Variants in ITGA7 observed in about 807,000 individuals in gnomAD.
ITGA7 encodes the protein integrin alpha-7.
ITGA7 carries 84 observed loss-of-function variants against 131.6 expected under a neutral mutation model. That is an observed-to-expected ratio of 0.64 (90% CI 0.54 to 0.77). The LOEUF is 0.77. Ranked by LOEUF, ITGA7 falls within the 30% of genes least tolerant of loss-of-function variation. The pLI, the probability that ITGA7 is intolerant of heterozygous loss-of-function variation, is 0.00. For missense variants in ITGA7, 1,399 were observed against 1,482.9 expected, an observed-to-expected ratio of 0.94 and a Z score of 0.93; for synonymous variants, 548 against 600.7, an observed-to-expected ratio of 0.91 and a Z score of 1.28.
At chr12:55,693,429 G>T in intron 19 of ITGA7, 112 bp from the exon 20 acceptor site, 1 of 973,784 alleles carries the variant, frequency 1.0e-6, no homozygotes, top group Non-Finnish European at 1.5e-6. Context: ...CTAACTCCTG[G>T]GCTCAAGTGA....
At chr12:55,710,083 G>A (rs977894859), upstream of ITGA7, among the ~76,000 whole-genome samples, 5 of 152,198 alleles carry the variant, frequency 3.3e-5, no homozygotes, top group African/African-American at 7.2e-5. Flanking sequence ...AGACGGGGCC[G>A]GGCGCGGTGG....
upstream of ITGA7, among the ~76,000 whole-genome samples, chr12:55,714,585 C>T (rs1201645056): frequency 6.6e-6 from 1 of 150,964 alleles, no homozygotes; most frequent in East Asian, 2.0e-4. Context: ...ACTCAGGAGG[C>T]TGAGGCAGGA....
chr12:55,695,306 T>C (rs1010335667), intron 14 of ITGA7: 4 of 601,928 alleles, frequency 6.6e-6, no homozygotes, highest in African/African-American at 1.9e-5. Context: ...ATATTATTAG[T>C]GTACTGTGAA....
upstream of ITGA7, among the ~76,000 whole-genome samples, chr12:55,713,491 C>T (rs1876284435): frequency 6.6e-6 from 1 of 152,190 alleles, no homozygotes; most frequent in South Asian, 2.1e-4. Flanking sequence ...TGTATCCTAG[C>T]TCTACCACTA....
In ITGA7 at chr12:55,687,995, T is replaced by TGCTAGCACCAGCAGC; in HGVS notation, c.3144_3158dup (p.Ala1053_Leu1057dup). The stretch of plus-strand genomic sequence containing the variant: ...CCTTCCACAGGAGCAGCACCAGCAG[T>TGCTAGCACCAGCAGC]GCTAGCACCAGCAGCCCAGCCAGTA... On this transcript the variant is annotated inframe_insertion, in exon 24 of 25. Coordinates refer to ENST00000257879, the MANE Select transcript of ITGA7 (RefSeq NM_002206.3). 6.2e-7 allele frequency: 1 copy of TGCTAGCACCAGCAGC among 1,614,086 alleles called. No individual in the cohort carries two copies. The highest frequency in any genetic ancestry group is 2.2e-5 in the East Asian group (1 of 44,876).
upstream of ITGA7, among the ~76,000 whole-genome samples, chr12:55,711,202 T>A (rs1876078910): frequency 6.6e-6 from 1 of 152,122 alleles, no homozygotes. Context: ...TATTTCAAAA[T>A]AATTTCCAAG....
chr12:55,701,289 A>G lies in ITGA7; in HGVS notation c.415-135T>C, dbSNP rs1873960352. 2.6e-6 allele frequency: 4 copies of G among 1,562,784 alleles called. No individual in the cohort carries two copies. The Admixed American group carries it at 7.0e-5, about 27-fold the overall frequency. On this transcript the variant is annotated intron_variant, in intron 3 of 24. Transcript: ENST00000257879. Reference sequence around the variant, plus strand: ...TGCACATGCACATGCACACATACACACACACCCCTATGCCGGCACCACTCA... The same window carrying G: ...TGCACATGCACATGCACACATACACGCACACCCCTATGCCGGCACCACTCA...
At chr12:55,715,312 CA>C (rs1876433682), upstream of ITGA7, among the ~76,000 whole-genome samples, 1 of 152,078 alleles carries the variant, frequency 6.6e-6, no homozygotes, top group Admixed American at 6.6e-5. Flanking sequence ...GCAACTTGCC[CA>C]AAGTCACCCA....
chr12:55,699,301 G>A (rs1385400377), intron 5 of ITGA7, among the ~76,000 whole-genome samples: 2 of 152,194 alleles, frequency 1.3e-5, no homozygotes, highest in African/African-American at 4.8e-5. Flanking sequence ...CAGGGAGCTA[G>A]AAGAGCTAGA....
At chr12:55,689,131 A>T (rs1034476378) in intron 21 of ITGA7, among the ~76,000 whole-genome samples, 174 bp from the exon 22 acceptor site, 6 of 152,220 alleles carry the variant, frequency 3.9e-5, no homozygotes, top group African/African-American at 1.4e-4. Flanking sequence ...CAGCTTTGAA[A>T]TGCGTGGAGG....
intron 24 of ITGA7, among the ~76,000 whole-genome samples, chr12:55,687,217 C>A (rs1159081166): frequency 4.1e-5 from 6 of 146,456 alleles, no homozygotes; most frequent in African/African-American, 1.5e-4. Flanking sequence ...CTGCTCAGTC[C>A]CCCAGGTTGC....
intron 14 of ITGA7, 69 bp from the exon 15 acceptor site, chr12:55,695,039 C>T: frequency 6.8e-7 from 1 of 1,478,788 alleles, no homozygotes; most frequent in Non-Finnish European, 9.2e-7. Flanking sequence ...GCCCAGTCTG[C>T]TCCCCCAGTA....
intron 3 of ITGA7, among the ~76,000 whole-genome samples, chr12:55,702,457 C>T (rs1874263663): frequency 6.6e-6 from 1 of 152,132 alleles, no homozygotes; most frequent in Admixed American, 6.5e-5. Context: ...CGTGAGCCAC[C>T]GCACCCGGCC....
At chr12:55,710,538 A>C (rs1355546024), upstream of ITGA7, among the ~76,000 whole-genome samples, 1 of 152,168 alleles carries the variant, frequency 6.6e-6, no homozygotes, top group East Asian at 1.9e-4. Context: ...GCACTTTGAG[A>C]GGCCAAGGCA....
At chr12:55,714,462 G>A (rs1007391283), upstream of ITGA7, among the ~76,000 whole-genome samples, 37 of 149,802 alleles carry the variant, frequency 2.5e-4, no homozygotes, top group African/African-American at 8.7e-4. Flanking sequence ...AGCTTGCAGT[G>A]AGCCGAGATC....
chr12:55,699,835 T>C, intron 5 of ITGA7, 35 bp downstream of exon 5: 4 of 1,582,604 alleles, frequency 2.5e-6, no homozygotes, highest in South Asian at 1.2e-5. Flanking sequence ...GGCTGGGCCA[T>C]GCCCCTAGAG....
At chr12:55,695,866 G>A (rs533876488) in intron 13 of ITGA7, among the ~76,000 whole-genome samples, 1 of 152,108 alleles carries the variant, frequency 6.6e-6, no homozygotes, top group African/African-American at 2.4e-5. Flanking sequence ...CTAGCAGCAA[G>A]TCAAGAGCTG....
At chr12:55,706,452 A>G (rs1875202775) in intron 1 of ITGA7, among the ~76,000 whole-genome samples, 1 of 152,214 alleles carries the variant, frequency 6.6e-6, no homozygotes, top group Admixed American at 6.5e-5. Flanking sequence ...GGCAGAAGAC[A>G]GTCCCAGTGG....
chr12:55,698,129 T>C (rs1276260626), intron 7 of ITGA7, 103 bp from the exon 8 acceptor site: 3 of 1,145,680 alleles, frequency 2.6e-6, no homozygotes, highest in Admixed American at 1.8e-5. Flanking sequence ...TCTATTTTAT[T>C]GAGAGGCTAC....
Sources: allele counts gnomAD v4.1 joint callset (sites outside exome capture counted in the v4.1 genomes callset), GRCh38; gene constraint gnomAD v4.1.1; transcripts MANE v1.5; gene names NCBI Gene and HGNC (gene_info 2026-07-23, HGNC 2026-07-21).